PCNX2: variants seen among roughly 807,000 people sequenced by gnomAD.
PCNX2 encodes pecanex 2.
In PCNX2, 168 loss-of-function variants were observed where a neutral mutation model predicts 223.8. That is an observed-to-expected ratio of 0.75 (90% CI 0.66 to 0.85). The LOEUF (loss-of-function observed/expected upper bound fraction) is 0.85, where lower values mean the gene tolerates loss of function less well. Among genes scored for constraint, PCNX2 ranks in the 40% least tolerant of loss-of-function variants. The pLI is 0.00. For missense variants in PCNX2, 2,507 were observed against 2,675.5 expected (o/e 0.94, Z 1.39); for synonymous variants, 1,006 against 1,052.6 (o/e 0.96, Z 0.86).
At chr1:233,002,633 T>G (rs1273282799) in intron 28 of PCNX2, among the ~76,000 whole-genome samples, 4 of 152,206 alleles carry the variant, frequency 2.6e-5, no homozygotes, top group Non-Finnish European at 5.9e-5. Flanking sequence ...ACTGACTTTC[T>G]TCACAGAATT....
intron 19 of PCNX2, among the ~76,000 whole-genome samples, chr1:233,144,267 T>G (rs567717876): frequency 6.6e-6 from 1 of 152,344 alleles, no homozygotes; most frequent in African/African-American, 2.4e-5. Context: ...GAAAATATTT[T>G]CATTTTTTAA....
At chr1:233,169,815 C>T (rs889746234) in intron 17 of PCNX2, among the ~76,000 whole-genome samples, 4 of 151,908 alleles carry the variant, frequency 2.6e-5, no homozygotes, top group Non-Finnish European at 4.4e-5. Flanking sequence ...AAAAATCCTT[C>T]TCTCGCCTTC....
At chr1:233,196,670 C>T (rs943878472) in intron 15 of PCNX2, among the ~76,000 whole-genome samples, 23 of 152,082 alleles carry the variant, frequency 1.5e-4, no homozygotes, top group African/African-American at 2.9e-4. Flanking sequence ...CTGGTTCACA[C>T]GAGAATGGAT....
chr1:233,281,303 T>A (rs900305434), intron 1 of PCNX2, among the ~76,000 whole-genome samples: 3 of 152,198 alleles, frequency 2.0e-5, no homozygotes, highest in Non-Finnish European at 4.4e-5. Flanking sequence ...AAGAGGTGTC[T>A]ATTGATAGGG....
At chr1:233,235,289 C>CT (rs907019088) in intron 9 of PCNX2, among the ~76,000 whole-genome samples, 2 of 152,136 alleles carry the variant, frequency 1.3e-5, no homozygotes, top group African/African-American at 4.8e-5. Context: ...CTAATTAGCA[C>CT]TTTTTTTGTT....
chr1:233,185,084 AACACACACACAC>A (rs60719299), intron 15 of PCNX2, among the ~76,000 whole-genome samples: 5,611 of 141,728 alleles, frequency 0.04, 160 homozygotes, highest in African/African-American at 0.086. Context: ...TACATACATA[AACACACACACAC>A]ACACACACAC....
intron 17 of PCNX2, among the ~76,000 whole-genome samples, chr1:233,172,230 A>AT (rs1247270246): frequency 6.6e-6 from 1 of 152,114 alleles, no homozygotes; most frequent in East Asian, 1.9e-4. Context: ...TTAGGTTAAA[A>AT]TTTTTTTATA....
At position 232,991,914 on chromosome 1, in the gene PCNX2, A is replaced by C. The variant is rs550405613; in HGVS notation, c.5792-5374T>G. ...GGTACTTTGTCATGGCAGCCCAAGC[A>C]GACTCACACATTCTGAGCTGAAGCC... On this transcript the variant is annotated intron_variant, in intron 32 of 33. Transcript: ENST00000258229. This position sits in a 1 kb window ranked among gnomAD's most constrained non-coding sequence, Gnocchi z 4.3. Among the ~76,000 whole-genome samples the C allele has an allele frequency of 1.5e-4, 23 of 152,342 alleles. No individual in the cohort carries two copies. The highest frequency in any genetic ancestry group is 3.1e-4 in the Non-Finnish European group (21 of 68,038).
chr1:233,223,327 A>C (rs1657505109), intron 10 of PCNX2, among the ~76,000 whole-genome samples: 1 of 152,204 alleles, frequency 6.6e-6, no homozygotes, highest in Non-Finnish European at 1.5e-5. Context: ...TGAATGGGAC[A>C]GGATTATTAG....
At chr1:233,237,079 G>T in intron 8 of PCNX2, 99 bp from the exon 9 acceptor site, 1 of 1,458,576 alleles carries the variant, frequency 6.9e-7, no homozygotes, top group Non-Finnish European at 9.3e-7. Context: ...GCCCAAAGCA[G>T]GTAGTGGATG....
chr1:233,215,929 T>A (rs567951104), intron 12 of PCNX2, among the ~76,000 whole-genome samples: 15 of 152,334 alleles, frequency 9.8e-5, no homozygotes, highest in African/African-American at 3.4e-4. Context: ...ACAGAGGAAT[T>A]TAACAAGATA....
At chr1:232,985,602 G>A in intron 33 of PCNX2, 1 of 250,978 alleles carries the variant, frequency 4.0e-6, no homozygotes, top group South Asian at 1.2e-4. Flanking sequence ...GAAGTCCTTA[G>A]AACTCTCCTT....
At chr1:233,240,262 G>T (rs113838788) in intron 8 of PCNX2, among the ~76,000 whole-genome samples, 1 of 152,192 alleles carries the variant, frequency 6.6e-6, no homozygotes, top group African/African-American at 2.4e-5. Context: ...GGACAGGAGC[G>T]CAATCTTTGA....
At chr1:233,184,303 G>C (rs1558319586) in intron 15 of PCNX2, among the ~76,000 whole-genome samples, 1 of 151,930 alleles carries the variant, frequency 6.6e-6, no homozygotes, top group African/African-American at 2.4e-5. Flanking sequence ...GAAATGAATT[G>C]TTCTGTGGAA....
At position 233,262,087 on chromosome 1, in the gene PCNX2, G is replaced by A. The variant is rs746440274; in HGVS notation, c.438C>T (p.Ser146=). ...NLSTPPLRCS[S]RGQSITSHHS... is the part of the protein sequence containing the mutation. ...GATGAGAGGTTATGCTTTGCCCTCT[G>A]GAGCTGCAGCGGAGGGGAGGCGTGG... The change falls in exon 3 of 34, where the codon TCC becomes TCT. Residue 146 remains serine (S), a synonymous_variant. Coordinates refer to ENST00000258229, the MANE Select transcript of PCNX2 (RefSeq NM_014801.4). 6.2e-7 allele frequency: 1 copy of A among 1,613,876 alleles called. No homozygotes were observed. The highest frequency in any genetic ancestry group is 1.7e-5 in the Admixed American group (1 of 60,020).
At chr1:232,985,774 T>G in intron 33 of PCNX2, 2 of 588,224 alleles carry the variant, frequency 3.4e-6, no homozygotes, top group South Asian at 2.1e-5. Context: ...TGTGAATGGG[T>G]GGAGGGCATT....
In PCNX2 at chr1:233,256,762, T is replaced by G. The variant is rs115908239; in HGVS notation, c.1834+1266A>C. 6.8e-3 allele frequency among the ~76,000 whole-genome samples: 1,033 copies of G among 152,288 alleles called. 7 individuals are homozygous for G. The highest frequency in any genetic ancestry group is 9.8e-3 in the Non-Finnish European group (666 of 68,020). On this transcript the variant is annotated intron_variant, in intron 5 of 33. Coordinates refer to ENST00000258229, the MANE Select transcript of PCNX2 (RefSeq NM_014801.4). ...GATGATAAACACCCAAATCTTTAAA[T>G]ACAAAAGTTTTTATCTCAGGTTACT...
At chr1:233,123,798 G>C (rs1018136260) in intron 21 of PCNX2, among the ~76,000 whole-genome samples, 1 of 152,108 alleles carries the variant, frequency 6.6e-6, no homozygotes, top group Non-Finnish European at 1.5e-5. Context: ...CTCAATTCAA[G>C]TAGAATAAAA....
intron 23 of PCNX2, among the ~76,000 whole-genome samples, chr1:233,064,050 A>G (rs756114639): frequency 2.0e-5 from 3 of 151,892 alleles, no homozygotes; most frequent in Admixed American, 1.3e-4. Flanking sequence ...AAATATATAT[A>G]TGATTATTTC....
Sources: allele counts gnomAD v4.1 joint callset (sites outside exome capture counted in the v4.1 genomes callset), GRCh38; gene constraint gnomAD v4.1.1; non-coding constraint Gnocchi (gnomAD v3.1); transcripts MANE v1.5; gene names NCBI Gene and HGNC (gene_info 2026-07-23, HGNC 2026-07-21).